UGT2A2: variants seen among roughly 807,000 people sequenced by gnomAD.
The protein encoded by UGT2A2 is UDP glucuronosyltransferase family 2 member A2, also known as UDP-glucuronosyltransferase 2A2.
A neutral mutation model predicts 50.7 loss-of-function variants in UGT2A2; 60 were observed. The observed-to-expected ratio is 1.18, with a 90% CI of 0.96 to 1.47. The LOEUF (loss-of-function observed/expected upper bound fraction) is 1.47, where lower values mean the gene tolerates loss of function less well. Ranked by LOEUF, UGT2A2 falls within the 40% of genes most tolerant of loss-of-function variation. The pLI is 0.00. For synonymous variants in UGT2A2, 242 were observed against 214.6 expected (o/e 1.13, Z -1.11); for missense variants, 762 against 634.0 (o/e 1.20, Z -2.17).
At chr4:69,614,157 T>G (rs1486537636) in intron 1 of UGT2A2, among the ~76,000 whole-genome samples, 6 of 151,610 alleles carry the variant, frequency 4.0e-5, no homozygotes, top group Non-Finnish European at 5.9e-5. Flanking sequence ...CATACAAATA[T>G]CAGTGGCATT....
At chr4:69,624,323 G>T (rs1378708691) in intron 1 of UGT2A2, among the ~76,000 whole-genome samples, 2 of 151,008 alleles carry the variant, frequency 1.3e-5, no homozygotes, top group Non-Finnish European at 3.0e-5. Flanking sequence ...AGTATCATAG[G>T]TATATTCTCA....
At chr4:69,590,328 C>T (rs1012249996) in intron 5 of UGT2A2, among the ~76,000 whole-genome samples, 1 of 152,160 alleles carries the variant, frequency 6.6e-6, no homozygotes, top group Admixed American at 6.5e-5. Context: ...GAGATAGTAA[C>T]AGAGATAACA....
intron 1 of UGT2A2, among the ~76,000 whole-genome samples, chr4:69,602,463 TTATCTATC>T (rs71206000): frequency 0.15 from 15,075 of 100,856 alleles, 3,079 homozygotes; most frequent in Admixed American, 0.28. Flanking sequence ...ATTTAGGAGT[TTATCTATC>T]TATCTATCTA....
chr4:69,616,698 G>A (rs2033801), intron 1 of UGT2A2, among the ~76,000 whole-genome samples: 151,930 of 151,986 alleles, frequency 1, 75,937 homozygotes, highest in Non-Finnish European at 1. Flanking sequence ...TAGGATTTGC[G>A]ATAGTTCATT....
chr4:69,633,398 GA>G (rs1291071242), intron 1 of UGT2A2, among the ~76,000 whole-genome samples: 1 of 152,104 alleles, frequency 6.6e-6, no homozygotes, highest in Non-Finnish European at 1.5e-5. Context: ...AACCTTTTGG[GA>G]AACTAAATTT....
chr4:69,618,301 A>C (rs1720537374), intron 1 of UGT2A2, among the ~76,000 whole-genome samples: 1 of 150,756 alleles, frequency 6.6e-6, no homozygotes, highest in African/African-American at 2.4e-5. Context: ...GTTCTCTTAA[A>C]AATGTTTTTG....
chr4:69,632,683 T>C (rs1311534270), intron 1 of UGT2A2, among the ~76,000 whole-genome samples: 1 of 151,288 alleles, frequency 6.6e-6, no homozygotes, highest in African/African-American at 2.4e-5. Flanking sequence ...AAGTCAAGAG[T>C]TTGAGACCTG....
chr4:69,635,828 C>CAAAAAAAATAAAAAAA (rs1721659067), intron 1 of UGT2A2: 1 of 49,134 alleles, frequency 2.0e-5, no homozygotes, highest in Non-Finnish European at 3.9e-5. Context: ...TCCACCTCAC[C>CAAAAAAAATAAAAAAA]AAAAAAAAAA....
chr4:69,630,434 C>T (rs965566137), intron 1 of UGT2A2, among the ~76,000 whole-genome samples: 2 of 152,100 alleles, frequency 1.3e-5, no homozygotes, highest in African/African-American at 4.8e-5. Context: ...CCCAGCACCA[C>T]AAGCCATAGT....
chr4:69,591,291 A>T (rs898183004), intron 5 of UGT2A2, among the ~76,000 whole-genome samples: 1 of 152,224 alleles, frequency 6.6e-6, no homozygotes, highest in Admixed American at 6.5e-5. Context: ...GGCATAAGAC[A>T]TTAATCAAAT....
chr4:69,590,449 T>C (rs1384362895), intron 5 of UGT2A2, among the ~76,000 whole-genome samples: 2 of 152,300 alleles, frequency 1.3e-5, no homozygotes, highest in South Asian at 2.1e-4. Context: ...GTAGGTTTCA[T>C]TTTGGTTTGT....
At chr4:69,594,976 T>C (rs1212156671) in intron 4 of UGT2A2, among the ~76,000 whole-genome samples, 186 bp downstream of exon 4, 2 of 152,204 alleles carry the variant, frequency 1.3e-5, no homozygotes, top group African/African-American at 4.8e-5. Context: ...AAAATGCTCT[T>C]TTGTGAACCA....
intron 1 of UGT2A2, among the ~76,000 whole-genome samples, chr4:69,607,218 G>GCATGGTACTGGTACCA (rs1553904403): frequency 7.3e-5 from 11 of 150,028 alleles, no homozygotes; most frequent in Non-Finnish European, 8.9e-5. Context: ...TACCAAAACA[G>GCATGGTACTGGTACCA]AGATAAAGAC....
At chr4:69,625,945 G>A (rs944266689) in intron 1 of UGT2A2, among the ~76,000 whole-genome samples, 1 of 151,298 alleles carries the variant, frequency 6.6e-6, no homozygotes, top group Non-Finnish European at 1.5e-5. Flanking sequence ...AACTATCATC[G>A]AAGAGTTATC....
chr4:69,615,210 T>G (rs1432264493), intron 1 of UGT2A2, among the ~76,000 whole-genome samples: 1 of 152,002 alleles, frequency 6.6e-6, no homozygotes, highest in African/African-American at 2.4e-5. Flanking sequence ...CCTGAAAAAT[T>G]AAATCACTCT....
rs749459190 is a variant in UGT2A2 at position 69,594,695 on chromosome 4, T to A, written c.1113A>T (p.Gly371=). ...FDWIPQNDLL[G]HPKTKAFITH... ...TGATAAAAGCTTTGGTTTTGGGATG[T>A]CCTAATTTGAGGATGGAGTGAGAAG... Residue 371 remains glycine, a splice_region_variant and synonymous_variant, in exon 5 of 6, where the codon GGA becomes GGT. Coordinates refer to ENST00000604629, the MANE Select transcript of UGT2A2 (RefSeq NM_001105677.2). The A allele has an allele frequency of 6.2e-7, 1 of 1,612,770 alleles. No individual in the cohort carries two copies. Among genetic ancestry groups the A allele is most frequent in the East Asian group, 2.2e-5 (1 of 44,812 alleles).
At chr4:69,624,423 C>T (rs1720921606) in intron 1 of UGT2A2, among the ~76,000 whole-genome samples, 1 of 151,280 alleles carries the variant, frequency 6.6e-6, no homozygotes, top group East Asian at 1.9e-4. Context: ...TTGACAATGT[C>T]TAACTATTGG....
chr4:69,599,477 G>T, intron 1 of UGT2A2, 83 bp from the exon 2 acceptor site: 1 of 1,568,424 alleles, frequency 6.4e-7, no homozygotes, highest in South Asian at 1.2e-5. Flanking sequence ...GTAATTTCCT[G>T]ATAAGCTGTT....
chr4:69,614,952 C>A (rs1720289439), intron 1 of UGT2A2, among the ~76,000 whole-genome samples: 1 of 152,022 alleles, frequency 6.6e-6, no homozygotes, highest in South Asian at 2.1e-4. Flanking sequence ...GCAAGCACAT[C>A]TTCACATGGT....
Sources: gnomAD v4.1 joint callset for allele counts (sites outside exome capture counted in the v4.1 genomes callset) on GRCh38, gnomAD v4.1.1 for gene constraint, MANE v1.5 for transcripts, NCBI Gene and HGNC (gene_info 2026-07-23, HGNC 2026-07-21) for gene names.